LPIN2: variants seen among roughly 807,000 people sequenced by gnomAD.
The protein encoded by LPIN2 is lipin 2, also known as phosphatidate phosphatase LPIN2.
A neutral mutation model predicts 111.4 loss-of-function variants in LPIN2; 55 were observed. The ratio of observed to expected loss-of-function variants is 0.49; its 90% confidence interval spans 0.40 to 0.62. The LOEUF is 0.62. Among genes scored for constraint, LPIN2 ranks in the 20% least tolerant of loss-of-function variants. LPIN2 has a pLI of 0.00. For synonymous variants in LPIN2, 425 were observed against 414.0 expected (o/e 1.03, Z -0.32); for missense variants, 992 against 1,112.1 (o/e 0.89, Z 1.54).
At chr18:2,940,850 A>G (rs2077358297) in intron 4 of LPIN2, 138 bp from the exon 5 acceptor site, 1 of 676,386 alleles carries the variant, frequency 1.5e-6, no homozygotes, top group Admixed American at 2.1e-5. Flanking sequence ...AAATATATGA[A>G]GGAGAAGGGG....
At chr18:2,951,598 C>G (rs919227603) in intron 3 of LPIN2, among the ~76,000 whole-genome samples, 1 of 152,178 alleles carries the variant, frequency 6.6e-6, no homozygotes, top group African/African-American at 2.4e-5. Flanking sequence ...TCTGAAGGAA[C>G]TGACATGCCA....
chr18:2,921,413 G>T, intron 18 of LPIN2, 120 bp downstream of exon 18: 1 of 783,888 alleles, frequency 1.3e-6, no homozygotes, highest in Non-Finnish European at 2.3e-6. Flanking sequence ...CGAACAAGCA[G>T]AACAGATGCC....
intron 4 of LPIN2, chr18:2,950,286 G>C (rs1034602796): frequency 1.3e-5 from 2 of 152,172 alleles, no homozygotes; most frequent in Non-Finnish European, 2.9e-5. Flanking sequence ...GAACATCACT[G>C]TTTTCCAGGA....
intron 1 of LPIN2, among the ~76,000 whole-genome samples, chr18:3,000,054 AGAAGAG>A (rs1249369910): frequency 1.3e-5 from 2 of 148,580 alleles, no homozygotes; most frequent in South Asian, 2.2e-4. Flanking sequence ...TTTAAAAAGA[AGAAGAG>A]GAGGAGGAGG....
At chr18:2,923,637 G>T in intron 16 of LPIN2, 138 bp downstream of exon 16, 1 of 799,204 alleles carries the variant, frequency 1.3e-6, no homozygotes, top group Non-Finnish European at 2.2e-6. Flanking sequence ...CCATCAACAG[G>T]AAAGGAGTGA....
chr18:2,921,463 G>A (rs2077052790), intron 18 of LPIN2, 70 bp downstream of exon 18: 1 of 1,156,934 alleles, frequency 8.6e-7, no homozygotes, highest in Non-Finnish European at 1.3e-6. Context: ...TTGGGACGTG[G>A]CTACACCCCA....
chr18:3,000,797 G>A (rs2078423273), intron 1 of LPIN2, among the ~76,000 whole-genome samples: 1 of 152,206 alleles, frequency 6.6e-6, no homozygotes, highest in Non-Finnish European at 1.5e-5. Flanking sequence ...GCCAGGTAAG[G>A]TGGGTACTTC....
At position 2,925,348 on chromosome 18, in the gene LPIN2, G is replaced by C; in HGVS notation, c.1814C>G (p.Ser605Trp). 4 of 1,614,110 alleles carry C rather than the reference G, an allele frequency of 2.5e-6. No homozygotes were observed. The highest frequency in any genetic ancestry group is 3.4e-6 in the Non-Finnish European group (4 of 1,180,002). The stretch of plus-strand genomic sequence containing the variant: ...GAGCTCCTGTGATCCCTCGTCACTC[G>C]AGGAGTCATTCTCGGCCGGCCTGTT... ...AGARPAENDS[S>W]SDEGSQELEE... Residue 605 changes from serine (S) to tryptophan (W), a missense_variant, in exon 14 of 20, where the codon TCG becomes TGG. Ser to Trp is a radical substitution (Grantham distance 177). This residue lies in a region of LPIN2 where 709 missense variants were observed against 753.2 expected (regional missense o/e 0.94). Transcript: ENST00000677752. The surrounding 1 kb of genome is among the most constrained non-coding windows in gnomAD (Gnocchi z 4.1).
chr18:2,983,345 C>T (rs1340438737), intron 1 of LPIN2, among the ~76,000 whole-genome samples: 1 of 152,082 alleles, frequency 6.6e-6, no homozygotes, highest in Non-Finnish European at 1.5e-5. Context: ...ATATCCTGCT[C>T]AGTACTGTAT....
intron 1 of LPIN2, among the ~76,000 whole-genome samples, chr18:2,973,491 A>G (rs775393543): frequency 6.6e-6 from 1 of 152,218 alleles, no homozygotes; most frequent in Non-Finnish European, 1.5e-5. Context: ...TCCACGTGAC[A>G]TTAATCAATA....
chr18:2,969,384 G>C (rs909160122), intron 1 of LPIN2, among the ~76,000 whole-genome samples: 14 of 152,146 alleles, frequency 9.2e-5, no homozygotes, highest in Non-Finnish European at 8.8e-5. Context: ...GGGCCTCAGA[G>C]GACTCCCTCC....
intron 17 of LPIN2, 72 bp downstream of exon 17, chr18:2,921,975 T>TCCC: frequency 6.5e-7 from 1 of 1,528,320 alleles, no homozygotes; most frequent in Non-Finnish European, 8.8e-7. Flanking sequence ...TTCCCACACA[T>TCCC]CCCCCCACCT....
intron 4 of LPIN2, chr18:2,946,654 A>T (rs2077456882): frequency 1.5e-6 from 1 of 646,466 alleles, no homozygotes; most frequent in Admixed American, 2.8e-5. Flanking sequence ...GTGAGAAAAA[A>T]ATCAATTGAA....
At chr18:2,972,322 G>A (rs2077932762) in intron 1 of LPIN2, 1 of 152,178 alleles carries the variant, frequency 6.6e-6, no homozygotes, top group Non-Finnish European at 1.5e-5. Context: ...GCAGCAACTC[G>A]CGGCAGAGAC....
At chr18:2,939,970 CT>C (rs2077346259) in intron 5 of LPIN2, among the ~76,000 whole-genome samples, 1 of 152,160 alleles carries the variant, frequency 6.6e-6, no homozygotes, top group East Asian at 1.9e-4. Context: ...TATGACTATA[CT>C]TTTTTTCACT....
At chr18:2,993,443 A>T (rs1028058310) in intron 1 of LPIN2, among the ~76,000 whole-genome samples, 4 of 152,238 alleles carry the variant, frequency 2.6e-5, no homozygotes, top group African/African-American at 7.2e-5. Flanking sequence ...TCACCCAAAA[A>T]GTGAATTTCT....
At chr18:2,978,715 T>A (rs2078059314) in intron 1 of LPIN2, among the ~76,000 whole-genome samples, 1 of 152,234 alleles carries the variant, frequency 6.6e-6, no homozygotes, top group Admixed American at 6.5e-5. Flanking sequence ...TGCCTTCAAT[T>A]CTGCTTCAGT....
chr18:2,953,356 T>C (rs79202522), intron 3 of LPIN2, among the ~76,000 whole-genome samples: 3 of 149,036 alleles, frequency 2.0e-5, no homozygotes, highest in Admixed American at 2.0e-4. Flanking sequence ...AAAAAGTGGT[T>C]TTTTTTTTTG....
chr18:3,007,066 T>C (rs1212145513), intron 1 of LPIN2, among the ~76,000 whole-genome samples: 1 of 152,114 alleles, frequency 6.6e-6, no homozygotes, highest in Non-Finnish European at 1.5e-5. Context: ...TATCTCTCTC[T>C]CAAGTAGTAT....
Sources: gnomAD v4.1 joint callset for allele counts (sites outside exome capture counted in the v4.1 genomes callset) on GRCh38, gnomAD v4.1.1 for gene constraint, gnomAD v4.1.1 regional missense constraint, Gnocchi (gnomAD v3.1) non-coding constraint, MANE v1.5 for transcripts, NCBI Gene and HGNC (gene_info 2026-07-23, HGNC 2026-07-21) for gene names.